Variants in DPYD observed in about 807,000 individuals in gnomAD.
DPYD encodes dihydropyrimidine dehydrogenase [NADP(+)].
A neutral mutation model predicts 116.2 loss-of-function variants in DPYD; 109 were observed. The observed-to-expected ratio is 0.94, with a 90% confidence interval of 0.80 to 1.10. The LOEUF (loss-of-function observed/expected upper bound fraction) is 1.10. DPYD is among the 50% of genes least tolerant of loss of function. DPYD has a pLI of 0.00. For missense variants in DPYD, 1,302 were observed against 1,254.5 expected, an observed-to-expected ratio of 1.04 and a Z score of -0.57; for synonymous variants, 440 against 432.0, an observed-to-expected ratio of 1.02 and a Z score of -0.23.
At chr1:97,733,501 A>G (rs1663751560) in intron 4 of DPYD, among the ~76,000 whole-genome samples, 1 of 151,940 alleles carries the variant, frequency 6.6e-6, no homozygotes. Context: ...GTCCTCTTTC[A>G]CTTACTACAA....
At chr1:97,907,122 A>G (rs1673672050) in intron 1 of DPYD, among the ~76,000 whole-genome samples, 1 of 152,114 alleles carries the variant, frequency 6.6e-6, no homozygotes. Context: ...GAGCGGAACA[A>G]TGAAAGATTT....
chr1:97,385,352 A>AAAAATC, intron 14 of DPYD, among the ~76,000 whole-genome samples: 1 of 150,232 alleles, frequency 6.7e-6, no homozygotes, highest in South Asian at 2.1e-4. Flanking sequence ...ATTTGAAAGG[A>AAAAATC]AAAATCAACT....
At chr1:97,215,809 A>G (rs1187207928) in intron 19 of DPYD, among the ~76,000 whole-genome samples, 1 of 152,178 alleles carries the variant, frequency 6.6e-6, no homozygotes, top group Non-Finnish European at 1.5e-5. Flanking sequence ...TTTGTGTGGT[A>G]TAAGATACTT....
intron 14 of DPYD, among the ~76,000 whole-genome samples, chr1:97,425,220 T>C (rs1674797313): frequency 6.6e-6 from 1 of 151,992 alleles, no homozygotes; most frequent in African/African-American, 2.4e-5. Context: ...ACATTTCAAC[T>C]AAAGAAAAAC....
chr1:97,349,393 C>G (rs547916195), intron 16 of DPYD, among the ~76,000 whole-genome samples: 1 of 151,188 alleles, frequency 6.6e-6, no homozygotes, highest in South Asian at 2.1e-4. Context: ...ATGTGCACAA[C>G]GTGCAGGTTT....
chr1:97,338,987 G>C lies in DPYD; in HGVS notation c.2059-32690C>G, dbSNP rs150701433. Among the ~76,000 whole-genome samples the C allele has an allele frequency of 2.6e-3, 392 of 151,932 alleles. 3 individuals are homozygous for C. The highest frequency in any genetic ancestry group is 9.1e-3 in the African/African-American group (375 of 41,422). ...TTTCAATGTAATGAGTATTCTCAAA[G>C]AGATACAATTAGAAAATAAAAATAA... On this transcript the variant is annotated intron_variant, in intron 16 of 22. Coordinates refer to ENST00000370192, the MANE Select transcript of DPYD (RefSeq NM_000110.4).
In DPYD at chr1:97,697,637, G is replaced by A. The variant is rs1661378445; in HGVS notation, c.680+1714C>T. On this transcript the variant is annotated intron_variant, in intron 6 of 22. Transcript: ENST00000370192. ...AAGAAAGAATTTAACAACTTTAAAA[G>A]AAAAACCACCATGTTTGGTCTGGAT... 2.6e-5 allele frequency among the ~76,000 whole-genome samples: 4 copies of A among 151,876 alleles called. No homozygotes were observed. The South Asian group carries it at 8.3e-4, about 31-fold the overall frequency.
chr1:97,355,440 C>A (rs180687879), intron 16 of DPYD, among the ~76,000 whole-genome samples: 77 of 152,158 alleles, frequency 5.1e-4, no homozygotes, highest in African/African-American at 1.5e-3. Flanking sequence ...TTGAAATGTA[C>A]AATAAATGGT....
chr1:97,206,142 C>T (rs1659578058), intron 19 of DPYD, among the ~76,000 whole-genome samples: 1 of 151,846 alleles, frequency 6.6e-6, no homozygotes. Context: ...TCTCCAGACA[C>T]TCCTCCAAGG....
chr1:97,789,128 G>T lies in DPYD; in HGVS notation c.233+38986C>A, dbSNP rs141505928. Reference sequence around the variant, plus strand: ...GTGGCTGAATAAAACCTTAACCCAAGAAATAACCTGCACTGGGGTACACAT... The same window carrying T: ...GTGGCTGAATAAAACCTTAACCCAATAAATAACCTGCACTGGGGTACACAT... On this transcript the variant is annotated intron_variant, in intron 3 of 22. Transcript: ENST00000370192. Among the ~76,000 whole-genome samples the T allele has an allele frequency of 3.8e-3, 573 of 152,196 alleles. 2 individuals are homozygous for T. The highest frequency in any genetic ancestry group is 0.013 in the African/African-American group (553 of 41,524).
chr1:97,838,093 G>A (rs1037741189), intron 2 of DPYD, among the ~76,000 whole-genome samples: 11 of 152,018 alleles, frequency 7.2e-5, no homozygotes, highest in African/African-American at 2.2e-4. Context: ...TATTTTCTCT[G>A]GTTAAACAGA....
At chr1:97,212,813 G>A (rs1376357559) in intron 19 of DPYD, among the ~76,000 whole-genome samples, 8 of 152,048 alleles carry the variant, frequency 5.3e-5, no homozygotes. Flanking sequence ...CAGATTCTGG[G>A]CCAAATTGTG....
intron 1 of DPYD, among the ~76,000 whole-genome samples, chr1:97,897,905 T>C (rs1448792977): frequency 3.9e-5 from 6 of 151,966 alleles, no homozygotes; most frequent in South Asian, 2.1e-4. Flanking sequence ...AATTGGATGA[T>C]AGACATTGTG....
At chr1:97,705,131 C>CTTT (rs201299040) in intron 5 of DPYD, among the ~76,000 whole-genome samples, 12 of 146,930 alleles carry the variant, frequency 8.2e-5, no homozygotes, top group African/African-American at 2.8e-4. Context: ...AGCCTGAACT[C>CTTT]TTTTTTTTTT....
chr1:97,588,148 G>C (rs1221564644), intron 10 of DPYD, among the ~76,000 whole-genome samples: 1 of 152,060 alleles, frequency 6.6e-6, no homozygotes, highest in Non-Finnish European at 1.5e-5. Flanking sequence ...TATCAAAACA[G>C]TTAACCCTCT....
intron 8 of DPYD, among the ~76,000 whole-genome samples, chr1:97,648,475 T>C (rs987794498): frequency 6.6e-6 from 1 of 151,920 alleles, no homozygotes; most frequent in African/African-American, 2.4e-5. Context: ...TTTCCTGTTA[T>C]ATGATTATGG....
At chr1:97,567,967 A>T (rs1193331939) in intron 11 of DPYD, among the ~76,000 whole-genome samples, 3 of 152,070 alleles carry the variant, frequency 2.0e-5, no homozygotes, top group Non-Finnish European at 4.4e-5. Flanking sequence ...GGTGCGCTGC[A>T]TCTGGATCAA....
chr1:97,720,880 CAA>C, intron 5 of DPYD: 3 of 1,609,212 alleles, frequency 1.9e-6, no homozygotes, highest in African/African-American at 2.7e-5. Flanking sequence ...TCTGAAGAAT[CAA>C]AGTCTTTACA....
intron 14 of DPYD, among the ~76,000 whole-genome samples, chr1:97,390,259 A>G (rs1672621788): frequency 6.6e-6 from 1 of 152,060 alleles, no homozygotes; most frequent in Non-Finnish European, 1.5e-5. Context: ...AAAACTGCAA[A>G]GTGACGGGGG....
Sources: gnomAD v4.1 joint callset for allele counts (sites outside exome capture counted in the v4.1 genomes callset) on GRCh38, gnomAD v4.1.1 for gene constraint, MANE v1.5 for transcripts, NCBI Gene and HGNC (gene_info 2026-07-23, HGNC 2026-07-21) for gene names.